The following SRBD1 variants were observed in gnomAD, a reference collection of about 807,000 sequenced individuals.
SRBD1 encodes S1 RNA-binding domain-containing protein 1.
SRBD1 carries 88 observed loss-of-function variants against 115.3 expected under a neutral mutation model. That is an observed-to-expected ratio of 0.76 (90% CI 0.64 to 0.91). The LOEUF (loss-of-function observed/expected upper bound fraction) is 0.91. Ranked by LOEUF, SRBD1 falls within the 40% of genes least tolerant of loss-of-function variation. The pLI, the probability that SRBD1 is intolerant of heterozygous loss-of-function variation, is 0.00. For synonymous variants in SRBD1, 509 were observed against 407.7 expected, an observed-to-expected ratio of 1.25 and a Z score of -2.99; for missense variants, 1,385 against 1,177.4, an observed-to-expected ratio of 1.18 and a Z score of -2.58.
rs377181570 is a variant in SRBD1 at position 45,585,656 on chromosome 2, A to C, written c.767T>G (p.Leu256Arg). Residue 256 changes from leucine (L) to arginine (R), a missense_variant, in exon 5 of 21, where the codon CTT (leucine) becomes CGT (arginine). By Grantham distance (102) the Leu-to-Arg change is moderately radical. Coordinates refer to ENST00000263736, the MANE Select transcript of SRBD1 (RefSeq NM_018079.5). ...IRYRKELINN[L>R]DADSLREVQQ... ...AACTTCTCTCAAGGAATCAGCATCA[A>C]GGTTATTAATGAGCTCTTTTCTATA... 9.9e-6 allele frequency: 16 copies of C among 1,612,192 alleles called. No individual in the cohort carries two copies. The highest frequency in any genetic ancestry group is 1.7e-5 in the Admixed American group (1 of 59,604).
intron 6 of SRBD1, among the ~76,000 whole-genome samples, chr2:45,580,833 C>T (rs1307755520): frequency 6.6e-6 from 1 of 151,138 alleles, no homozygotes; most frequent in Non-Finnish European, 1.5e-5. Flanking sequence ...TACAGGCACC[C>T]GCCACCACGC....
At chr2:45,438,759 A>G (rs565031757) in intron 16 of SRBD1, among the ~76,000 whole-genome samples, 1 of 152,180 alleles carries the variant, frequency 6.6e-6, no homozygotes, top group Non-Finnish European at 1.5e-5. Flanking sequence ...ACAATGCACA[A>G]CTATATGTAA....
At chr2:45,601,840 G>A in intron 3 of SRBD1, 63 bp downstream of exon 3, 1 of 1,579,666 alleles carries the variant, frequency 6.3e-7, no homozygotes, top group Non-Finnish European at 8.6e-7. Context: ...TGTAGAATAA[G>A]AAAATAACAT....
chr2:45,526,522 T>C (rs1671447377), intron 14 of SRBD1, among the ~76,000 whole-genome samples: 1 of 151,880 alleles, frequency 6.6e-6, no homozygotes, highest in Non-Finnish European at 1.5e-5. Flanking sequence ...GATGAAAAAG[T>C]TTTAAAATTA....
chr2:45,421,310 ATTCTGG>A (rs1667992503), intron 16 of SRBD1, among the ~76,000 whole-genome samples: 1 of 151,980 alleles, frequency 6.6e-6, no homozygotes. Context: ...GATCGACACC[ATTCTGG>A]CTAACACGGT....
chr2:45,464,913 C>A (rs1669433833), intron 16 of SRBD1, among the ~76,000 whole-genome samples: 1 of 151,660 alleles, frequency 6.6e-6, no homozygotes, highest in African/African-American at 2.4e-5. Flanking sequence ...AGTGGTTTTA[C>A]CGACATCTTT....
At chr2:45,395,492 C>T (rs775639773) in intron 19 of SRBD1, among the ~76,000 whole-genome samples, 7 of 152,136 alleles carry the variant, frequency 4.6e-5, no homozygotes, top group Non-Finnish European at 8.8e-5. Flanking sequence ...AACCTGGGTG[C>T]GTATTTCATA....
chr2:45,450,960 T>C (rs1241458876), intron 16 of SRBD1, among the ~76,000 whole-genome samples: 1 of 152,152 alleles, frequency 6.6e-6, no homozygotes, highest in Non-Finnish European at 1.5e-5. Flanking sequence ...GAAAAACATT[T>C]TTCACTGAAA....
At chr2:45,551,018 T>TTTAA in intron 12 of SRBD1, 107 bp downstream of exon 12, 1 of 1,370,918 alleles carries the variant, frequency 7.3e-7, no homozygotes, top group Non-Finnish European at 9.6e-7. Context: ...AAAACCACTT[T>TTTAA]TTAAGCCTTT....
intron 6 of SRBD1, among the ~76,000 whole-genome samples, chr2:45,580,673 C>CTCCTTT (rs1558492437): frequency 1.8e-5 from 2 of 108,118 alleles, no homozygotes; most frequent in South Asian, 3.5e-4. Flanking sequence ...AATTCTTCTA[C>CTCCTTT]TTCTTTTTTT....
At chr2:45,592,154 C>A (rs1329170724) in intron 4 of SRBD1, among the ~76,000 whole-genome samples, 1 of 152,126 alleles carries the variant, frequency 6.6e-6, no homozygotes, top group Admixed American at 6.5e-5. Flanking sequence ...CCTTTTGCCT[C>A]CCACCATGAT....
At chr2:45,507,881 T>C (rs1670843689) in intron 14 of SRBD1, among the ~76,000 whole-genome samples, 1 of 152,240 alleles carries the variant, frequency 6.6e-6, no homozygotes, top group South Asian at 2.1e-4. Flanking sequence ...ATACATTTTA[T>C]CTTAACAATT....
At chr2:45,480,494 G>A (rs1177340660) in intron 15 of SRBD1, among the ~76,000 whole-genome samples, 6 of 152,154 alleles carry the variant, frequency 3.9e-5, no homozygotes, top group African/African-American at 7.2e-5. Flanking sequence ...TTCAGATGTC[G>A]TGGAAATAGG....
At chr2:45,484,478 T>TTAA (rs1343964412) in intron 15 of SRBD1, among the ~76,000 whole-genome samples, 4 of 152,234 alleles carry the variant, frequency 2.6e-5, no homozygotes, top group Admixed American at 6.5e-5. Context: ...AGAAACCTTC[T>TTAA]GTTTAACCCT....
intron 16 of SRBD1, among the ~76,000 whole-genome samples, chr2:45,438,008 G>A (rs1165381318): frequency 6.6e-6 from 1 of 152,058 alleles, no homozygotes; most frequent in East Asian, 1.9e-4. Flanking sequence ...ATACCATAAT[G>A]TAAACTATTA....
At chr2:45,512,942 C>T (rs904789905) in intron 14 of SRBD1, among the ~76,000 whole-genome samples, 3 of 152,136 alleles carry the variant, frequency 2.0e-5, no homozygotes, top group Non-Finnish European at 2.9e-5. Context: ...GAGACACAAA[C>T]CTCATGCTGA....
At chr2:45,419,644 C>G in intron 17 of SRBD1, 144 bp downstream of exon 17, 1 of 636,290 alleles carries the variant, frequency 1.6e-6, no homozygotes, top group South Asian at 1.9e-5. Flanking sequence ...GTCTTCCCCT[C>G]TGATTACTTA....
At chr2:45,582,269 G>A (rs1166665321) in intron 5 of SRBD1, among the ~76,000 whole-genome samples, 3 of 152,172 alleles carry the variant, frequency 2.0e-5, no homozygotes, top group Non-Finnish European at 4.4e-5. Flanking sequence ...AGAATGTCCT[G>A]CAGCTTGGGT....
At chr2:45,437,894 G>T (rs1342956565) in intron 16 of SRBD1, among the ~76,000 whole-genome samples, 1 of 152,100 alleles carries the variant, frequency 6.6e-6, no homozygotes, top group Non-Finnish European at 1.5e-5. Context: ...ATTCATAATA[G>T]AAATAATTGA....
Sources: allele counts gnomAD v4.1 joint callset (sites outside exome capture counted in the v4.1 genomes callset), GRCh38; gene constraint gnomAD v4.1.1; transcripts MANE v1.5; gene names NCBI Gene and HGNC (gene_info 2026-07-23, HGNC 2026-07-21).